Variants in PLD5 observed in about 807,000 individuals in gnomAD.
PLD5 encodes inactive phospholipase D5.
PLD5 carries 36 observed loss-of-function variants against 61.1 expected under a neutral mutation model. That is an observed-to-expected ratio of 0.59 (90% CI 0.45 to 0.78). PLD5 has a LOEUF of 0.78. Among genes scored for constraint, PLD5 ranks in the 30% least tolerant of loss-of-function variants. The pLI is 0.00. For missense variants in PLD5, 515 were observed against 644.4 expected, an observed-to-expected ratio of 0.80 and a Z score of 2.17; for synonymous variants, 243 against 242.8, an observed-to-expected ratio of 1.00 and a Z score of -0.01.
At chr1:242,169,868 A>G (rs757420823) in intron 5 of PLD5, among the ~76,000 whole-genome samples, 20 of 152,252 alleles carry the variant, frequency 1.3e-4, no homozygotes, top group Non-Finnish European at 2.2e-4. Context: ...TGCTATGGCC[A>G]GACTGCCTTT....
At chr1:242,496,273 T>C (rs1486509063) in intron 1 of PLD5, among the ~76,000 whole-genome samples, 1 of 152,216 alleles carries the variant, frequency 6.6e-6, no homozygotes, top group Non-Finnish European at 1.5e-5. Context: ...CTGTCTTGCT[T>C]GAATTTTTGC....
chr1:242,224,687 C>T (rs768692552), intron 4 of PLD5, among the ~76,000 whole-genome samples: 1 of 152,120 alleles, frequency 6.6e-6, no homozygotes, highest in African/African-American at 2.4e-5. Context: ...TTCTAAAATT[C>T]TGTGCTAGAC....
At chr1:242,380,710 A>G (rs1435612622) in intron 1 of PLD5, among the ~76,000 whole-genome samples, 1 of 152,112 alleles carries the variant, frequency 6.6e-6, no homozygotes, top group Non-Finnish European at 1.5e-5. Context: ...AAAGAAGAGA[A>G]AAAAAAACAA....
intron 2 of PLD5, among the ~76,000 whole-genome samples, chr1:242,329,615 A>T (rs2149199506): frequency 6.6e-6 from 1 of 152,342 alleles, no homozygotes; most frequent in South Asian, 2.1e-4. Context: ...CATTTAGGTC[A>T]TTGGATATCC....
At position 242,130,597 on chromosome 1, in the gene PLD5, C is replaced by A. The variant is rs530421067; in HGVS notation, c.736-5932G>T. 4.6e-5 allele frequency among the ~76,000 whole-genome samples: 7 copies of A among 152,176 alleles called. No homozygotes were observed. The East Asian group carries it at 1.4e-3, about 29-fold the overall frequency. ...TATAAGGATTCCCTTTTCTCCATAC[C>A]CTCACAAACATCTATTATTTTTTTA... On this transcript the variant is annotated intron_variant, in intron 5 of 9. Transcript: ENST00000536534.
At chr1:242,259,473 A>G in intron 4 of PLD5, among the ~76,000 whole-genome samples, 1 of 152,256 alleles carries the variant, frequency 6.6e-6, no homozygotes, top group South Asian at 2.1e-4. Flanking sequence ...AATCACAATT[A>G]GCTTTCAGAT....
At chr1:242,175,903 G>C (rs1667108586) in intron 5 of PLD5, among the ~76,000 whole-genome samples, 1 of 152,156 alleles carries the variant, frequency 6.6e-6, no homozygotes, top group African/African-American at 2.4e-5. Context: ...TCTTCAAGGA[G>C]AACTACAAAC....
rs372595652 is a variant in PLD5 at position 242,509,485 on chromosome 1, G to A, written c.189+14603C>T. Among the ~76,000 whole-genome samples, 76 of 152,294 alleles carry A rather than the reference G, an allele frequency of 5.0e-4. 1 individual carries two copies. Among genetic ancestry groups the A allele is most frequent in the Middle Eastern group, 6.8e-3 (2 of 294 alleles). On this transcript the variant is annotated intron_variant, in intron 1 of 9. Coordinates refer to ENST00000536534, the MANE Select transcript of PLD5 (RefSeq NM_001372062.1). The stretch of plus-strand genomic sequence containing the variant: ...GTCAATATAAATGCTAGTTATCAGC[G>A]GGGATATTCCATCTGTTCCATGCGG...
chr1:242,451,459 C>CTTTTTT (rs398038597), intron 1 of PLD5, among the ~76,000 whole-genome samples: 24 of 115,114 alleles, frequency 2.1e-4, no homozygotes, highest in Admixed American at 3.1e-4. Flanking sequence ...GTATCAAATT[C>CTTTTTT]TTTTTTTTTT....
At chr1:242,396,673 C>CTTTTTTTTTT (rs1202041198) in intron 1 of PLD5, among the ~76,000 whole-genome samples, 5 of 129,540 alleles carry the variant, frequency 3.9e-5, no homozygotes, top group Non-Finnish European at 6.7e-5. Context: ...CTTTTCTTTT[C>CTTTTTTTTTT]TTTTTTTTTT....
At chr1:242,409,804 G>A (rs1274559941) in intron 1 of PLD5, among the ~76,000 whole-genome samples, 1 of 152,158 alleles carries the variant, frequency 6.6e-6, no homozygotes, top group African/African-American at 2.4e-5. Flanking sequence ...CCGCCATGAT[G>A]TTCTACACAC....
chr1:242,118,004 C>A (rs913463945), intron 6 of PLD5, among the ~76,000 whole-genome samples: 1 of 152,190 alleles, frequency 6.6e-6, no homozygotes, highest in East Asian at 1.9e-4. Flanking sequence ...TAGGAACTCC[C>A]TGAATTTCAC....
chr1:242,481,619 C>T, intron 1 of PLD5, among the ~76,000 whole-genome samples: 1 of 152,226 alleles, frequency 6.6e-6, no homozygotes, highest in East Asian at 1.9e-4. Context: ...CCTCTGTAGA[C>T]TGCACCTCTG....
chr1:242,470,336 G>A (rs531563949), intron 1 of PLD5, among the ~76,000 whole-genome samples: 2 of 144,934 alleles, frequency 1.4e-5, no homozygotes, highest in African/African-American at 2.6e-5. Flanking sequence ...AGCGACACTC[G>A]GTCTCAAAGA....
intron 1 of PLD5, among the ~76,000 whole-genome samples, chr1:242,471,289 A>C (rs1667442063): frequency 6.6e-6 from 1 of 151,556 alleles, no homozygotes; most frequent in Non-Finnish European, 1.5e-5. Context: ...TTTTGGAAAA[A>C]AAATCAGTGC....
intron 1 of PLD5, among the ~76,000 whole-genome samples, chr1:242,454,281 C>A (rs576535323): frequency 6.7e-6 from 1 of 149,796 alleles, no homozygotes; most frequent in South Asian, 2.1e-4. Context: ...TGCAGTGAGC[C>A]GAGATCATGC....
chr1:242,406,679 A>C (rs1664251159), intron 1 of PLD5, among the ~76,000 whole-genome samples: 1 of 152,238 alleles, frequency 6.6e-6, no homozygotes, highest in Non-Finnish European at 1.5e-5. Context: ...GATTTTAGAC[A>C]AACACTAACT....
At chr1:242,347,991 T>C (rs1173650465) in intron 2 of PLD5, 115 bp downstream of exon 2, 3 of 1,335,622 alleles carry the variant, frequency 2.2e-6, no homozygotes, top group Non-Finnish European at 3.1e-6. Context: ...CAGCTTAAGC[T>C]AAGGGGAGCC....
At chr1:242,448,415 T>C (rs1468618617) in intron 1 of PLD5, among the ~76,000 whole-genome samples, 3 of 152,226 alleles carry the variant, frequency 2.0e-5, no homozygotes, top group African/African-American at 7.2e-5. Context: ...AGCTGTGCAG[T>C]CAAATAAGTA....
Sources: gnomAD v4.1 joint callset for allele counts (sites outside exome capture counted in the v4.1 genomes callset) on GRCh38, gnomAD v4.1.1 for gene constraint, MANE v1.5 for transcripts, NCBI Gene and HGNC (gene_info 2026-07-23, HGNC 2026-07-21) for gene names.